MSI2: variants seen among roughly 807,000 people sequenced by gnomAD.
The protein encoded by MSI2 is RNA-binding protein Musashi homolog 2.
MSI2 carries 17 observed loss-of-function variants against 45.6 expected under a neutral mutation model. That is an observed-to-expected ratio of 0.37 (90% CI 0.26 to 0.56). MSI2 has a LOEUF of 0.56. MSI2 is among the 20% of genes least tolerant of loss of function. The pLI is 0.77. For missense variants in MSI2, 293 were observed against 444.2 expected, an observed-to-expected ratio of 0.66 and a Z score of 3.06; for synonymous variants, 156 against 158.2, an observed-to-expected ratio of 0.99 and a Z score of 0.11.
intron 6 of MSI2, among the ~76,000 whole-genome samples, chr17:57,475,865 A>G (rs929002639): frequency 3.3e-5 from 5 of 152,186 alleles, no homozygotes; most frequent in African/African-American, 1.2e-4. Flanking sequence ...AAAAACTCCA[A>G]GAATGCATTT....
chr17:57,365,815 A>C (rs1917145613), intron 5 of MSI2, among the ~76,000 whole-genome samples: 1 of 152,220 alleles, frequency 6.6e-6, no homozygotes, highest in Non-Finnish European at 1.5e-5. Flanking sequence ...AACCTTATAC[A>C]GCCCATCTTG....
At chr17:57,298,806 A>AT (rs141286080) in intron 5 of MSI2, among the ~76,000 whole-genome samples, 7,675 of 152,292 alleles carry the variant, frequency 0.05, 634 homozygotes, top group African/African-American at 0.17. Flanking sequence ...CACCAGTTGT[A>AT]TTAGCCCCTA....
At chr17:57,516,422 C>T (rs2086470813) in intron 6 of MSI2, among the ~76,000 whole-genome samples, 1 of 152,022 alleles carries the variant, frequency 6.6e-6, no homozygotes, top group Non-Finnish European at 1.5e-5. Flanking sequence ...TGTCCATTCC[C>T]CCTGTGTTTC....
At chr17:57,533,172 C>G (rs978253146) in intron 7 of MSI2, among the ~76,000 whole-genome samples, 2 of 152,146 alleles carry the variant, frequency 1.3e-5, no homozygotes, top group Non-Finnish European at 1.5e-5. Flanking sequence ...GCCCTCAGTT[C>G]CATCTGCATG....
intron 7 of MSI2, among the ~76,000 whole-genome samples, chr17:57,580,406 T>G (rs2088169117): frequency 6.6e-6 from 1 of 152,218 alleles, no homozygotes; most frequent in South Asian, 2.1e-4. Context: ...AGGGCTTGCC[T>G]TGGCCCCCAG....
At chr17:57,672,000 G>T (rs934130577) in intron 11 of MSI2, among the ~76,000 whole-genome samples, 1 of 152,214 alleles carries the variant, frequency 6.6e-6, no homozygotes, top group Non-Finnish European at 1.5e-5. Context: ...GCCCTCAGGG[G>T]TGCGGGTTCC....
chr17:57,601,029 C>G (rs1567927915), intron 8 of MSI2: 1 of 152,200 alleles, frequency 6.6e-6, no homozygotes, highest in Admixed American at 6.5e-5. Flanking sequence ...ACCCATCAGA[C>G]TGTGTGTCCC....
intron 10 of MSI2, among the ~76,000 whole-genome samples, chr17:57,634,582 A>C (rs1392475308): frequency 6.6e-6 from 1 of 152,262 alleles, no homozygotes; most frequent in African/African-American, 2.4e-5. Context: ...AAAGCCAAAT[A>C]GAATTAGCCA....
chr17:57,476,266 G>A (rs1431823492), intron 6 of MSI2, among the ~76,000 whole-genome samples: 1 of 152,114 alleles, frequency 6.6e-6, no homozygotes, highest in Non-Finnish European at 1.5e-5. Context: ...GGAAGATGAG[G>A]CTTCCCTCCC....
intron 11 of MSI2, among the ~76,000 whole-genome samples, chr17:57,674,610 C>G (rs866422033): frequency 3.4e-4 from 52 of 152,204 alleles, no homozygotes; most frequent in African/African-American, 1.3e-3. Context: ...AAAACTCTCT[C>G]TCTCTCTCTC....
At chr17:57,439,953 G>C (rs774721685) in intron 6 of MSI2, among the ~76,000 whole-genome samples, 19 of 152,028 alleles carry the variant, frequency 1.2e-4, no homozygotes, top group Non-Finnish European at 8.8e-5. Context: ...GGGATAAGAG[G>C]GGGGGTCTGT....
At chr17:57,486,977 G>C (rs1024280146) in intron 6 of MSI2, among the ~76,000 whole-genome samples, 10 of 152,128 alleles carry the variant, frequency 6.6e-5, no homozygotes, top group Non-Finnish European at 1.2e-4. Context: ...AAAGTGCTTT[G>C]GGATTGTAAA....
At chr17:57,623,607 A>G (rs1048855282) in intron 9 of MSI2, among the ~76,000 whole-genome samples, 2 of 152,214 alleles carry the variant, frequency 1.3e-5, no homozygotes, top group African/African-American at 2.4e-5. Context: ...CTTTAGTGAC[A>G]AGAGATAATT....
intron 7 of MSI2, among the ~76,000 whole-genome samples, chr17:57,588,328 C>T (rs935422545): frequency 3.3e-5 from 5 of 152,190 alleles, no homozygotes; most frequent in African/African-American, 7.2e-5. Flanking sequence ...CCTTTTCTTT[C>T]TTCTTAATAA....
chr17:57,375,668 T>C (rs990542987), intron 5 of MSI2, among the ~76,000 whole-genome samples: 1 of 152,154 alleles, frequency 6.6e-6, no homozygotes, highest in Non-Finnish European at 1.5e-5. Flanking sequence ...GCAGTGTTAT[T>C]AAGGCCTGCC....
Position 57,652,276 on chromosome 17 carries a change from C to A in MSI2, c.790+115C>A. 1 of 1,097,728 alleles carries A rather than the reference C, an allele frequency of 9.1e-7. No homozygotes were observed. 68.0% of individuals were successfully genotyped at this position (1,097,728 alleles called of 1,614,324 possible). ...CTGTCCAACACCACTCTCACCACAG[C>A]CCCGGGGAGGGGGTGGACGGGGAGG... On this transcript the variant is annotated intron_variant, in intron 11 of 13. Coordinates refer to ENST00000284073, the MANE Select transcript of MSI2 (RefSeq NM_138962.4). This position sits in a 1 kb window ranked among gnomAD's most constrained non-coding sequence, Gnocchi z 4.1.
chr17:57,676,266 GCACACGCACGCA>G (rs1324576250), intron 12 of MSI2, among the ~76,000 whole-genome samples: 4 of 151,908 alleles, frequency 2.6e-5, no homozygotes, highest in South Asian at 2.1e-4. Context: ...AGACATGCAC[GCACACGCACGCA>G]CACACGCACA....
chr17:57,334,783 G>A (rs1914560320), intron 5 of MSI2, among the ~76,000 whole-genome samples: 1 of 149,044 alleles, frequency 6.7e-6, no homozygotes, highest in Non-Finnish European at 1.5e-5. Context: ...AACAGTACGA[G>A]ACTCCATCTC....
intron 7 of MSI2, among the ~76,000 whole-genome samples, chr17:57,562,819 C>T (rs150348126): frequency 2.0e-5 from 3 of 152,084 alleles, no homozygotes; most frequent in African/African-American, 7.2e-5. Flanking sequence ...GCGTACAGGC[C>T]GGGTGCGATG....
Sources: gnomAD v4.1 joint callset for allele counts (sites outside exome capture counted in the v4.1 genomes callset) on GRCh38, gnomAD v4.1.1 for gene constraint, Gnocchi (gnomAD v3.1) non-coding constraint, MANE v1.5 for transcripts, NCBI Gene and HGNC (gene_info 2026-07-23, HGNC 2026-07-21) for gene names.